The following MNAT1 variants were observed in gnomAD, a reference collection of about 807,000 sequenced individuals.
The protein encoded by MNAT1 is CDK-activating kinase assembly factor MAT1.
MNAT1 carries 43 observed loss-of-function variants against 42.0 expected under a neutral mutation model. The observed-to-expected ratio is 1.02, with a 90% confidence interval of 0.80 to 1.32. The LOEUF is 1.32. MNAT1 is among the 40% of genes most tolerant of loss of function. The probability of loss-of-function intolerance (pLI) is 0.00; values close to 1 mark genes in which losing one functional copy is unlikely to be tolerated. For missense variants in MNAT1, 306 were observed against 350.4 expected (o/e 0.87, Z 1.01); for synonymous variants, 118 against 120.0 (o/e 0.98, Z 0.11).
intron 6 of MNAT1, among the ~76,000 whole-genome samples, chr14:60,875,351 A>G (rs2034413797): frequency 6.6e-6 from 1 of 152,078 alleles, no homozygotes; most frequent in African/African-American, 2.4e-5. Context: ...AGAAAAATTT[A>G]CATTTTGAGG....
At chr14:60,939,536 G>T (rs962434922) in intron 7 of MNAT1, among the ~76,000 whole-genome samples, 3 of 152,186 alleles carry the variant, frequency 2.0e-5, no homozygotes, top group African/African-American at 4.8e-5. Context: ...ATGTAGTTGA[G>T]TGGTTTTCAG....
chr14:60,819,592 T>G (rs559050811), intron 6 of MNAT1, among the ~76,000 whole-genome samples: 42 of 152,266 alleles, frequency 2.8e-4, no homozygotes, highest in African/African-American at 9.4e-4. Flanking sequence ...TACCCTGTTT[T>G]GGTTATTACA....
intron 3 of MNAT1, among the ~76,000 whole-genome samples, chr14:60,802,540 A>G (rs1422172208): frequency 1.3e-5 from 2 of 152,184 alleles, no homozygotes; most frequent in East Asian, 3.8e-4. Context: ...AGGAGATACT[A>G]AAGAGTGAGA....
chr14:60,939,682 G>A (rs150263088), intron 7 of MNAT1, among the ~76,000 whole-genome samples: 4 of 152,292 alleles, frequency 2.6e-5, no homozygotes, highest in Non-Finnish European at 5.9e-5. Flanking sequence ...TAGGTGTGGT[G>A]TGGTGCTGAA....
At chr14:60,891,754 G>T (rs1318350112) in intron 7 of MNAT1, among the ~76,000 whole-genome samples, 4 of 152,006 alleles carry the variant, frequency 2.6e-5, no homozygotes, top group Non-Finnish European at 5.9e-5. Flanking sequence ...TGCTTGGTCA[G>T]ATTTTTCTTG....
Position 60,734,781 on chromosome 14 carries a change from C to T in MNAT1, c.-82C>T, listed in dbSNP as rs1896254140. On this transcript the variant is annotated 5_prime_UTR_variant, in exon 1 of 8. Transcript: ENST00000261245. The surrounding 1 kb of genome is among the most constrained non-coding windows in gnomAD (Gnocchi z 4.3). ...CTGCCAAGCGCCTGTTGGTAGGAAC[C>T]TGCTTGGTCGCGTCTGAGGGGGCTT... The T allele has an allele frequency of 3.8e-6, 5 of 1,326,486 alleles. No individual in the cohort carries two copies. In the African/African-American group the frequency reaches 4.3e-5, roughly 11 times the overall value. 82.2% of individuals were successfully genotyped at this position (1,326,486 alleles called of 1,614,324 possible). A position where few individuals can be genotyped will look rare whatever the true frequency, so the allele number is the denominator to read the frequency against.
At chr14:60,939,877 G>C (rs1349307339) in intron 7 of MNAT1, among the ~76,000 whole-genome samples, 2 of 152,248 alleles carry the variant, frequency 1.3e-5, no homozygotes, top group East Asian at 1.9e-4. Flanking sequence ...AAGTCTCTTT[G>C]TAGGTCTCTA....
chr14:60,934,176 C>T (rs568871735), intron 7 of MNAT1, among the ~76,000 whole-genome samples: 1 of 152,324 alleles, frequency 6.6e-6, no homozygotes, highest in East Asian at 1.9e-4. Flanking sequence ...CCAAGAGCAA[C>T]TTATCTGAGT....
chr14:60,744,661 A>G (rs760816278), intron 1 of MNAT1, among the ~76,000 whole-genome samples: 1 of 152,220 alleles, frequency 6.6e-6, no homozygotes, highest in Non-Finnish European at 1.5e-5. Context: ...TGCTAGAATG[A>G]TATGTGGAGA....
At chr14:60,803,998 T>C (rs1183240805) in intron 3 of MNAT1, among the ~76,000 whole-genome samples, 2 of 152,212 alleles carry the variant, frequency 1.3e-5, no homozygotes, top group African/African-American at 4.8e-5. Context: ...TTATTCTTAG[T>C]TTCATAATGA....
chr14:60,950,485 T>G (rs1020314554), intron 7 of MNAT1, among the ~76,000 whole-genome samples: 2 of 152,244 alleles, frequency 1.3e-5, no homozygotes, highest in African/African-American at 4.8e-5. Flanking sequence ...GTGACTGATA[T>G]ATACTCTAGC....
chr14:60,892,119 G>A (rs1218063270), intron 7 of MNAT1, among the ~76,000 whole-genome samples: 1 of 152,064 alleles, frequency 6.6e-6, no homozygotes, highest in Non-Finnish European at 1.5e-5. Context: ...AATGTGTAGT[G>A]TATTTTCTTG....
intron 6 of MNAT1, among the ~76,000 whole-genome samples, chr14:60,844,839 G>A (rs1220566349): frequency 6.6e-6 from 1 of 152,012 alleles, no homozygotes; most frequent in African/African-American, 2.4e-5. Flanking sequence ...AAAGTTATGA[G>A]TAGATGTTGA....
At chr14:60,845,019 TG>T (rs2033648153) in intron 6 of MNAT1, among the ~76,000 whole-genome samples, 1 of 152,048 alleles carries the variant, frequency 6.6e-6, no homozygotes, top group Admixed American at 6.5e-5. Context: ...TAAGGATTTT[TG>T]TGTCTGTATT....
At chr14:60,782,881 AT>A (rs2031513412) in intron 1 of MNAT1, among the ~76,000 whole-genome samples, 1 of 152,212 alleles carries the variant, frequency 6.6e-6, no homozygotes, top group African/African-American at 2.4e-5. Flanking sequence ...TACCACTTAT[AT>A]TAACACTTAG....
intron 1 of MNAT1, among the ~76,000 whole-genome samples, chr14:60,758,130 T>G (rs969040505): frequency 2.6e-5 from 4 of 152,140 alleles, no homozygotes; most frequent in African/African-American, 9.7e-5. Context: ...CATAACTGTC[T>G]CCTTAATAAC....
intron 1 of MNAT1, chr14:60,753,496 G>A (rs2030193676): frequency 6.6e-6 from 1 of 152,094 alleles, no homozygotes. Flanking sequence ...TGTCACATGG[G>A]CCTCTCCTAA....
At chr14:60,789,468 G>T (rs143601166) in intron 1 of MNAT1, among the ~76,000 whole-genome samples, 1 of 152,088 alleles carries the variant, frequency 6.6e-6, no homozygotes, top group African/African-American at 2.4e-5. Context: ...CCATGGCAGC[G>T]TTGCCACAAA....
intron 1 of MNAT1, among the ~76,000 whole-genome samples, chr14:60,747,960 G>A (rs2029903719): frequency 6.6e-6 from 1 of 152,132 alleles, no homozygotes; most frequent in Non-Finnish European, 1.5e-5. Context: ...ACTATGGGAG[G>A]CCGAGGTCGG....
Sources: allele counts gnomAD v4.1 joint callset (sites outside exome capture counted in the v4.1 genomes callset), GRCh38; gene constraint gnomAD v4.1.1; non-coding constraint Gnocchi (gnomAD v3.1); transcripts MANE v1.5; gene names NCBI Gene and HGNC (gene_info 2026-07-23, HGNC 2026-07-21).